WBP4: variants seen among roughly 807,000 people sequenced by gnomAD.
WBP4 encodes WW domain binding protein 4, also known as WW domain-binding protein 4.
Under a neutral mutation model 55.4 loss-of-function variants are expected in WBP4, and 37 were observed. The observed-to-expected ratio is 0.67, with a 90% CI of 0.51 to 0.88. The LOEUF (loss-of-function observed/expected upper bound fraction) is 0.88. Among genes scored for constraint, WBP4 ranks in the 40% least tolerant of loss-of-function variants. WBP4 has a pLI of 0.00. For synonymous variants in WBP4, 142 were observed against 140.2 expected, an observed-to-expected ratio of 1.01 and a Z score of -0.09; for missense variants, 398 against 420.8, an observed-to-expected ratio of 0.95 and a Z score of 0.47.
At chr13:41,082,059 A>C (rs1350725641) in intron 9 of WBP4, among the ~76,000 whole-genome samples, 1 of 152,168 alleles carries the variant, frequency 6.6e-6, no homozygotes, top group Non-Finnish European at 1.5e-5. Context: ...AGGTGCTGAT[A>C]TCAGGACCAC....
chr13:41,071,318 C>T (rs971500752), intron 5 of WBP4, among the ~76,000 whole-genome samples: 1 of 152,232 alleles, frequency 6.6e-6, no homozygotes, highest in Non-Finnish European at 1.5e-5. Flanking sequence ...TCTAATCCCT[C>T]GTTCTGTCCT....
Position 41,083,596 on chromosome 13 carries a change from A to T in WBP4, c.*682A>T, listed in dbSNP as rs1004379581. On this transcript the variant is annotated 3_prime_UTR_variant, in exon 10 of 10. Transcript: ENST00000379487. ...GGAATCCAGGGATAAAGATGAATGA[A>T]ATGTATTTCTGTTCTTCAGGAGTTC... 9.2e-5 allele frequency: 14 copies of T among 152,396 alleles called. No individual in the cohort carries two copies. The highest frequency in any genetic ancestry group is 2.1e-4 in the Non-Finnish European group (14 of 68,088). 9.4% of individuals were successfully genotyped at this position (152,396 alleles called of 1,614,324 possible).
At chr13:41,071,764 T>A in intron 6 of WBP4, among the ~76,000 whole-genome samples, 191 bp downstream of exon 6, 1 of 152,142 alleles carries the variant, frequency 6.6e-6, no homozygotes, top group South Asian at 2.1e-4. Flanking sequence ...GATATCTGGC[T>A]GGGTGCAGTG....
intron 5 of WBP4, among the ~76,000 whole-genome samples, chr13:41,070,307 C>CT (rs1439654750): frequency 6.6e-6 from 1 of 151,982 alleles, no homozygotes; most frequent in African/African-American, 2.4e-5. Context: ...TGTAGACACT[C>CT]TGTGTTTTGA....
Position 41,083,083 on chromosome 13 carries a change from T to A in WBP4, c.*169T>A. 1 of 712,176 alleles carries A rather than the reference T, an allele frequency of 1.4e-6. No individual in the cohort carries two copies. Among genetic ancestry groups the A allele is most frequent in the Non-Finnish European group, 2.2e-6 (1 of 453,172 alleles). The allele number at this position is 712,176 out of a possible 1,614,324, so 44.1% of individuals were successfully genotyped here. On this transcript the variant is annotated 3_prime_UTR_variant, in exon 10 of 10. Coordinates refer to ENST00000379487, the MANE Select transcript of WBP4 (RefSeq NM_007187.5). ...TTTTTCATGTGAAATTTATTTTGGT[T>A]CCTAAAATGGAAGCCTACCACATTG... is the stretch of plus-strand genomic sequence containing the variant.
chr13:41,061,734 C>G, intron 1 of WBP4, 59 bp downstream of exon 1: 1 of 1,610,812 alleles, frequency 6.2e-7, no homozygotes, highest in Admixed American at 1.7e-5. Context: ...CGCCCTTTCT[C>G]GCCCGGGTCT....
chr13:41,077,467 G>A (rs1593432958), intron 8 of WBP4, among the ~76,000 whole-genome samples: 1 of 151,990 alleles, frequency 6.6e-6, no homozygotes, highest in East Asian at 1.9e-4. Flanking sequence ...ACTCCATGCT[G>A]GATGACAGAC....
In WBP4 at chr13:41,082,996, T is replaced by C; in HGVS notation, c.*82T>C. ...AAGTTTATCTGTGTTTGTTTGTAAGTATTATGATGCTAAAAATTTAGATTT... is the reference window on the plus strand; with the variant it reads ...AAGTTTATCTGTGTTTGTTTGTAAGCATTATGATGCTAAAAATTTAGATTT... On this transcript the variant is annotated 3_prime_UTR_variant, in exon 10 of 10. Coordinates refer to ENST00000379487, the MANE Select transcript of WBP4 (RefSeq NM_007187.5). 1 of 1,238,662 alleles carries C rather than the reference T, an allele frequency of 8.1e-7. No homozygotes were observed. Among genetic ancestry groups the C allele is most frequent in the East Asian group, 2.5e-5 (1 of 40,312 alleles). The allele number at this position is 1,238,662 out of a possible 1,614,324, so 76.7% of individuals were successfully genotyped here.
At chr13:41,072,743 T>G in intron 6 of WBP4, 39 bp from the exon 7 acceptor site, 2 of 1,579,264 alleles carry the variant, frequency 1.3e-6, no homozygotes, top group Non-Finnish European at 8.7e-7. Flanking sequence ...AAAATCATGG[T>G]TATCCTTAGT....
At position 41,062,536 on chromosome 13, in the gene WBP4, A is replaced by G. The variant is rs1877734548; in HGVS notation, c.3-108A>G. 6.2e-6 allele frequency: 6 copies of G among 972,522 alleles called. No homozygotes were observed. In the East Asian group the frequency reaches 1.6e-4, roughly 25 times the overall value. 60.2% of individuals were successfully genotyped at this position (972,522 alleles called of 1,614,324 possible). A position where few individuals can be genotyped will look rare whatever the true frequency, so the allele number is the denominator to read the frequency against. On this transcript the variant is annotated intron_variant, in intron 1 of 9. Coordinates refer to ENST00000379487, the MANE Select transcript of WBP4 (RefSeq NM_007187.5). ...AAACGACTATACATAACAAGACAAG[A>G]TTCAGTAGCAGGGGCATATATTTCA...
intron 8 of WBP4, among the ~76,000 whole-genome samples, chr13:41,079,847 C>T (rs576081958): frequency 1.2e-4 from 19 of 152,130 alleles, no homozygotes; most frequent in South Asian, 1.0e-3. Flanking sequence ...AAAAAAAATG[C>T]GGTATATATA....
At chr13:41,072,014 C>T (rs1159200950) in intron 6 of WBP4, among the ~76,000 whole-genome samples, 2 of 149,382 alleles carry the variant, frequency 1.3e-5, no homozygotes, top group Non-Finnish European at 3.0e-5. Context: ...CCACCGCACT[C>T]CAGCCTGGAT....
intron 5 of WBP4, among the ~76,000 whole-genome samples, chr13:41,069,666 A>G (rs1424174192): frequency 7.1e-6 from 1 of 141,212 alleles, no homozygotes. Flanking sequence ...AGATTGGGCC[A>G]CTGTACTCCA....
chr13:41,064,947 TTA>T (rs1263847901), intron 2 of WBP4, 67 bp from the exon 3 acceptor site: 8 of 1,355,982 alleles, frequency 5.9e-6, no homozygotes, highest in Non-Finnish European at 7.0e-6. Flanking sequence ...TATGAGAAAA[TTA>T]TGTTTACTAT....
In WBP4 at chr13:41,062,320, C is replaced by G. The variant is rs1877717374; in HGVS notation, c.3-324C>G. On this transcript the variant is annotated intron_variant, in intron 1 of 9. Transcript: ENST00000379487. ...CTTCAGGTTTCCATTACAGCAACCT[C>G]CCCCAAAGCCAGAAAGGATAAATGT... is the stretch of plus-strand genomic sequence containing the variant. 4 of 960,382 alleles carry G rather than the reference C, an allele frequency of 4.2e-6. No individual in the cohort carries two copies. In the South Asian group the frequency reaches 1.4e-4, roughly 35 times the overall value. 59.5% of individuals were successfully genotyped at this position (960,382 alleles called of 1,614,324 possible).
At chr13:41,065,339 A>G (rs1277654499) in intron 4 of WBP4, 52 bp downstream of exon 4, 3 of 1,521,354 alleles carry the variant, frequency 2.0e-6, no homozygotes, top group Non-Finnish European at 2.6e-6. Context: ...AAGTAACATC[A>G]GAGGTCAAGC....
chr13:41,075,462 G>T (rs1024466400), intron 7 of WBP4, among the ~76,000 whole-genome samples: 1 of 152,082 alleles, frequency 6.6e-6, no homozygotes, highest in African/African-American at 2.4e-5. Context: ...ATTCACTGCA[G>T]CCTCTATTTC....
At chr13:41,070,832 G>C (rs1014936696) in intron 5 of WBP4, among the ~76,000 whole-genome samples, 1 of 152,092 alleles carries the variant, frequency 6.6e-6, no homozygotes, top group Non-Finnish European at 1.5e-5. Flanking sequence ...TAAGATCAGA[G>C]AGTTAATCAT....
Position 41,082,708 on chromosome 13 carries a change from G to T in WBP4, c.925G>T (p.Glu309Ter). The stretch of plus-strand genomic sequence containing the variant: ...TTACTTTAACTCTATTTCCAGTGAG[G>T]AGGTAGATTTGGAACTTCCAAGCAC... ...EIKQEVESHE[E>*]VDLELPSTEN... Residue 309 changes from glutamate to a stop codon, truncating the protein, a stop_gained, in exon 10 of 10, where the codon GAG becomes TAG. Transcript: ENST00000379487. LOFTEE classifies it high-confidence loss of function. 9 of 1,613,818 alleles carry T rather than the reference G, an allele frequency of 5.6e-6. No homozygotes were observed. Among genetic ancestry groups the T allele is most frequent in the Non-Finnish European group, 7.6e-6 (9 of 1,179,938 alleles).
Sources: gnomAD v4.1 joint callset for allele counts (sites outside exome capture counted in the v4.1 genomes callset) on GRCh38, gnomAD v4.1.1 for gene constraint, MANE v1.5 for transcripts, NCBI Gene and HGNC (gene_info 2026-07-23, HGNC 2026-07-21) for gene names.